The following DMXL1 variants were observed in gnomAD, a reference collection of about 807,000 sequenced individuals.
DMXL1 encodes dmX-like protein 1.
In DMXL1, 99 loss-of-function variants were observed where a neutral mutation model predicts 319.2. The observed-to-expected ratio is 0.31, with a 90% CI of 0.26 to 0.37. DMXL1 has a LOEUF of 0.37. Among genes scored for constraint, DMXL1 ranks in the 10% least tolerant of loss-of-function variants. The pLI is 1.00. For synonymous variants in DMXL1, 1,385 were observed against 1,235.2 expected (o/e 1.12, Z -2.54); for missense variants, 3,745 against 3,595.6 (o/e 1.04, Z -1.06).
At chr5:119,083,170 C>T (rs1486496272) in intron 1 of DMXL1, among the ~76,000 whole-genome samples, 1 of 152,020 alleles carries the variant, frequency 6.6e-6, no homozygotes. Context: ...GTCACCATGC[C>T]TGGCTAATTT....
At position 119,244,407 on chromosome 5, in the gene DMXL1, A is replaced by G. The variant is rs1297150659; in HGVS notation, c.8753A>G (p.Lys2918Arg). ...SGATVLAYAPKHQLLISGGRK... is the reference protein window; with the variant it reads ...SGATVLAYAPRHQLLISGGRK... ...GCCACAGTTTTAGCATATGCTCCAA[A>G]ACATCAGCTACTAATATCAGGTGGC... Residue 2918 changes from lysine to arginine, a missense_variant, in exon 43 of 44, where the codon AAA becomes AGA. Transcript: ENST00000539542. 1 of 1,613,974 alleles carries G rather than the reference A, an allele frequency of 6.2e-7. No individual in the cohort carries two copies. The highest frequency in any genetic ancestry group is 8.5e-7 in the Non-Finnish European group (1 of 1,180,000).
chr5:119,215,948 TA>T, intron 34 of DMXL1, among the ~76,000 whole-genome samples: 1 of 151,834 alleles, frequency 6.6e-6, no homozygotes, highest in East Asian at 1.9e-4. Context: ...ATACAAAACT[TA>T]GCCCGGTGTG....
intron 25 of DMXL1, among the ~76,000 whole-genome samples, chr5:119,172,909 A>C (rs1298153387): frequency 3.9e-5 from 6 of 152,116 alleles, no homozygotes; most frequent in Non-Finnish European, 7.4e-5. Flanking sequence ...GCTCTGTAGT[A>C]TAAATGCCCA....
At chr5:119,220,300 A>C (rs1784436393) in intron 35 of DMXL1, among the ~76,000 whole-genome samples, 172 bp from the exon 36 acceptor site, 1 of 152,198 alleles carries the variant, frequency 6.6e-6, no homozygotes, top group Admixed American at 6.5e-5. Context: ...ATAGAACATA[A>C]ACGTATCTCC....
At position 119,144,514 on chromosome 5, in the gene DMXL1, G is replaced by A. The variant is rs769652013; in HGVS notation, c.2467-22G>A. On this transcript the variant is annotated intron_variant, in intron 14 of 43. Transcript: ENST00000539542. ...GTAAATAACACATAGGTCAACTTAC[G>A]TTGATATTTATTTATATTCAGCATG... 1.1e-5 allele frequency: 17 copies of A among 1,533,472 alleles called. No individual in the cohort carries two copies. In the South Asian group the frequency reaches 1.2e-4, roughly 11 times the overall value. 95.0% of individuals were successfully genotyped at this position (1,533,472 alleles called of 1,614,324 possible). A position where few individuals can be genotyped will look rare whatever the true frequency, so the allele number is the denominator to read the frequency against.
chr5:119,157,712 G>A (rs1771417562), intron 19 of DMXL1, among the ~76,000 whole-genome samples: 1 of 152,012 alleles, frequency 6.6e-6, no homozygotes, highest in Admixed American at 6.6e-5. Flanking sequence ...TGCTATTTTG[G>A]TTACCCTAGC....
At chr5:119,208,176 A>G (rs1782083285) in intron 34 of DMXL1, among the ~76,000 whole-genome samples, 1 of 150,720 alleles carries the variant, frequency 6.6e-6, no homozygotes, top group South Asian at 2.1e-4. Flanking sequence ...CTGGGTTTTG[A>G]TGATTACTTA....
chr5:119,145,848 T>G (rs1265168945), intron 15 of DMXL1, among the ~76,000 whole-genome samples: 1 of 151,760 alleles, frequency 6.6e-6, no homozygotes, highest in Non-Finnish European at 1.5e-5. Flanking sequence ...TATCTTTTGC[T>G]CTATTATGAA....
chr5:119,177,628 G>C, intron 27 of DMXL1, 144 bp downstream of exon 27: 1 of 624,268 alleles, frequency 1.6e-6, no homozygotes, highest in Non-Finnish European at 2.6e-6. Flanking sequence ...CACTCATTCT[G>C]AATTACAGTT....
chr5:119,203,483 T>C, intron 33 of DMXL1, 47 bp downstream of exon 33: 1 of 1,161,220 alleles, frequency 8.6e-7, no homozygotes, highest in Admixed American at 2.4e-5. Flanking sequence ...TTGAAGTCTT[T>C]TATATTATCA....
intron 33 of DMXL1, among the ~76,000 whole-genome samples, chr5:119,203,715 A>G (rs1045329562): frequency 4.6e-5 from 7 of 152,232 alleles, no homozygotes; most frequent in African/African-American, 1.7e-4. Context: ...GAGACAAGAT[A>G]GAAATTTTCT....
At chr5:119,241,934 G>A (rs543251952) in intron 42 of DMXL1, among the ~76,000 whole-genome samples, 17 of 152,254 alleles carry the variant, frequency 1.1e-4, no homozygotes, top group African/African-American at 3.6e-4. Flanking sequence ...AGTACAGTAT[G>A]TACTATAATT....
intron 5 of DMXL1, among the ~76,000 whole-genome samples, chr5:119,112,153 A>G (rs112481259): frequency 0.031 from 4,655 of 152,070 alleles, 226 homozygotes; most frequent in African/African-American, 0.11. Context: ...AGTGGAAACG[A>G]GGTTTCACCA....
intron 37 of DMXL1, among the ~76,000 whole-genome samples, chr5:119,223,411 C>T (rs902099904): frequency 8.5e-5 from 13 of 152,102 alleles, no homozygotes; most frequent in African/African-American, 3.1e-4. Context: ...AGCTTGGATT[C>T]TGCCTGCCTT....
intron 9 of DMXL1, chr5:119,127,985 C>G (rs896795768): frequency 9.9e-6 from 4 of 405,070 alleles, no homozygotes; most frequent in Non-Finnish European, 2.0e-5. Context: ...ATAAACAACC[C>G]TGCACCCTGT....
chr5:119,129,379 C>G lies in DMXL1; in HGVS notation c.1271C>G (p.Ala424Gly). ...RKSFEQPSSE[A>G]SVEDSNQADV... ...AGTTTTGAACAACCATCTTCTGAGG[C>G]CAGTGTAGAAGATTCTAATCAGGCA... The change falls in exon 10 of 44, where the codon GCC becomes GGC. Residue 424 changes from alanine to glycine, a missense_variant. By Grantham distance (60) the Ala-to-Gly change is moderately conservative (BLOSUM62 0). This residue lies in a region of DMXL1 where 2,096 missense variants were observed against 1,985.4 expected (regional missense o/e 1.06). Transcript: ENST00000539542. 6.2e-7 allele frequency: 1 copy of G among 1,613,426 alleles called. No homozygotes were observed. Among genetic ancestry groups the G allele is most frequent in the Non-Finnish European group, 8.5e-7 (1 of 1,179,756 alleles).
intron 5 of DMXL1, among the ~76,000 whole-genome samples, chr5:119,114,233 C>G (rs966605246): frequency 5.3e-5 from 8 of 152,140 alleles, no homozygotes; most frequent in African/African-American, 1.9e-4. Flanking sequence ...AAAGTTACAA[C>G]TTTTGTTTTA....
chr5:119,209,375 G>C lies in DMXL1; in HGVS notation c.7926+2479G>C, dbSNP rs554522920. Among the ~76,000 whole-genome samples the C allele has an allele frequency of 4.0e-5, 6 of 148,916 alleles. No individual in the cohort carries two copies. The East Asian group carries it at 5.9e-4, about 15-fold the overall frequency. Reference sequence around the variant, plus strand: ...TTTTTTTTTTTTTTTTTAAAAGGCAGGGTCTCACTGTGTCTCCCAGGCTGG... The same window carrying C: ...TTTTTTTTTTTTTTTTTAAAAGGCACGGTCTCACTGTGTCTCCCAGGCTGG... On this transcript the variant is annotated intron_variant, in intron 34 of 43. Transcript: ENST00000539542.
intron 10 of DMXL1, among the ~76,000 whole-genome samples, chr5:119,129,663 CTA>C (rs1764372882): frequency 6.6e-6 from 1 of 152,120 alleles, no homozygotes; most frequent in Non-Finnish European, 1.5e-5. Context: ...TAGGACTTTC[CTA>C]TATAAAGGAC....
Sources: gnomAD v4.1 joint callset for allele counts (sites outside exome capture counted in the v4.1 genomes callset) on GRCh38, gnomAD v4.1.1 for gene constraint, gnomAD v4.1.1 regional missense constraint, MANE v1.5 for transcripts, NCBI Gene and HGNC (gene_info 2026-07-23, HGNC 2026-07-21) for gene names.